PDE7B: variants seen among roughly 807,000 people sequenced by gnomAD.
PDE7B encodes the protein phosphodiesterase 7B, also known as 3',5'-cyclic-AMP phosphodiesterase 7B.
Under a neutral mutation model 56.2 loss-of-function variants are expected in PDE7B, and 29 were observed. The ratio of observed to expected loss-of-function variants is 0.52; its 90% CI spans 0.38 to 0.70. PDE7B has a LOEUF of 0.70. Among genes scored for constraint, PDE7B ranks in the 30% least tolerant of loss-of-function variants. The probability of loss-of-function intolerance (pLI) is 0.00; values close to 1 mark genes in which losing one functional copy is unlikely to be tolerated. For missense variants in PDE7B, 490 were observed against 565.0 expected (o/e 0.87, Z 1.35); for synonymous variants, 197 against 196.9 (o/e 1.00, Z 0.00).
At chr6:135,992,652 G>A (rs1378068634) in intron 2 of PDE7B, among the ~76,000 whole-genome samples, 1 of 152,106 alleles carries the variant, frequency 6.6e-6, no homozygotes, top group African/African-American at 2.4e-5. Flanking sequence ...AGAGTTTGTG[G>A]ATGGTTTATA....
intron 2 of PDE7B, among the ~76,000 whole-genome samples, chr6:136,002,461 A>C (rs1775688862): frequency 1.3e-5 from 2 of 152,316 alleles, no homozygotes; most frequent in Middle Eastern, 3.4e-3. Context: ...AACCCATCTC[A>C]CGTGCAGAGA....
intron 1 of PDE7B, among the ~76,000 whole-genome samples, chr6:135,853,051 T>G (rs1774966211): frequency 6.6e-6 from 1 of 152,226 alleles, no homozygotes; most frequent in South Asian, 2.1e-4. Flanking sequence ...AGAGTCGGTT[T>G]TTGTAACAGC....
intron 1 of PDE7B, among the ~76,000 whole-genome samples, chr6:135,870,528 C>G (rs112534334): frequency 6.7e-6 from 1 of 150,228 alleles, no homozygotes; most frequent in Non-Finnish European, 1.5e-5. Context: ...GTGAAATGTA[C>G]ATTTCACAAG....
At chr6:135,898,878 G>C (rs937663958) in intron 1 of PDE7B, among the ~76,000 whole-genome samples, 5 of 152,098 alleles carry the variant, frequency 3.3e-5, no homozygotes, top group Admixed American at 1.3e-4. Flanking sequence ...CAAGATTTTT[G>C]ATACATGTTA....
At chr6:136,151,372 C>A in intron 6 of PDE7B, 117 bp downstream of exon 6, 1 of 579,724 alleles carries the variant, frequency 1.7e-6, no homozygotes, top group Non-Finnish European at 3.1e-6. Context: ...TCCAATTAAT[C>A]TTAAATGGTC....
intron 1 of PDE7B, among the ~76,000 whole-genome samples, chr6:135,882,209 C>T (rs866547395): frequency 6.6e-6 from 1 of 152,178 alleles, no homozygotes; most frequent in African/African-American, 2.4e-5. Flanking sequence ...CCACAGCCCA[C>T]CAAATTCTCA....
chr6:136,037,453 A>G, intron 2 of PDE7B: 2 of 985,340 alleles, frequency 2.0e-6, no homozygotes, highest in Non-Finnish European at 2.4e-6. Context: ...AGGGGGAGGG[A>G]TGTGGAGAAG....
At chr6:135,877,358 C>CTTT (rs11302793) in intron 1 of PDE7B, among the ~76,000 whole-genome samples, 1 of 126,946 alleles carries the variant, frequency 7.9e-6, no homozygotes, top group African/African-American at 2.9e-5. Flanking sequence ...TTACACATTC[C>CTTT]TTTTTTTTTT....
intron 1 of PDE7B, among the ~76,000 whole-genome samples, chr6:135,919,315 G>A (rs1463464890): frequency 6.6e-6 from 1 of 152,158 alleles, no homozygotes; most frequent in Non-Finnish European, 1.5e-5. Flanking sequence ...CTTTTAGGAG[G>A]CTTACCTAGG....
intron 2 of PDE7B, among the ~76,000 whole-genome samples, chr6:136,092,653 C>T (rs915609047): frequency 9.2e-5 from 14 of 152,032 alleles, no homozygotes; most frequent in Admixed American, 6.5e-4. Context: ...CCCAGCTACT[C>T]GGGAGGCTGA....
chr6:136,165,036 G>C (rs1019131086), intron 8 of PDE7B, among the ~76,000 whole-genome samples: 1 of 152,140 alleles, frequency 6.6e-6, no homozygotes, highest in Non-Finnish European at 1.5e-5. Flanking sequence ...TGAAAGTTTA[G>C]ATATCAACTC....
intron 1 of PDE7B, among the ~76,000 whole-genome samples, chr6:135,935,190 T>TTACATATA (rs1554268031): frequency 2.8e-5 from 1 of 36,192 alleles, no homozygotes; most frequent in Non-Finnish European, 4.6e-5. Context: ...ATATATTTAT[T>TTACATATA]TATATATATA....
At chr6:135,940,392 C>G (rs1175753700) in intron 1 of PDE7B, among the ~76,000 whole-genome samples, 1 of 152,182 alleles carries the variant, frequency 6.6e-6, no homozygotes, top group African/African-American at 2.4e-5. Context: ...AGGAAAAGAC[C>G]TGGCCTGAAT....
intron 2 of PDE7B, among the ~76,000 whole-genome samples, chr6:136,014,479 A>G (rs1268600858): frequency 2.6e-5 from 4 of 152,240 alleles, no homozygotes; most frequent in African/African-American, 9.6e-5. Context: ...TTGTAGAACT[A>G]TTAACATATC....
intron 1 of PDE7B, among the ~76,000 whole-genome samples, chr6:135,894,717 C>G (rs17065077): frequency 6.6e-6 from 1 of 152,040 alleles, no homozygotes; most frequent in Non-Finnish European, 1.5e-5. Context: ...CACCCAGCTA[C>G]GTTGAAATGT....
chr6:136,108,558 A>G (rs1029741874), intron 2 of PDE7B, among the ~76,000 whole-genome samples, 173 bp from the exon 3 acceptor site: 2 of 152,110 alleles, frequency 1.3e-5, no homozygotes, highest in African/African-American at 2.4e-5. Flanking sequence ...TGTATTGCCA[A>G]CCTCATTACA....
At chr6:135,926,155 C>A (rs982647370) in intron 1 of PDE7B, among the ~76,000 whole-genome samples, 1 of 143,308 alleles carries the variant, frequency 7.0e-6, no homozygotes, top group Non-Finnish European at 1.5e-5. Flanking sequence ...GGCGCAATCT[C>A]GGCTCACTGC....
chr6:136,001,300 C>T (rs996649779), intron 2 of PDE7B, among the ~76,000 whole-genome samples: 34 of 152,220 alleles, frequency 2.2e-4, no homozygotes, highest in Admixed American at 2.2e-3. Flanking sequence ...CACCTCTCCT[C>T]CTCCAAAGGA....
intron 1 of PDE7B, among the ~76,000 whole-genome samples, chr6:135,880,447 G>T (rs1775587177): frequency 6.6e-6 from 1 of 152,124 alleles, no homozygotes; most frequent in Non-Finnish European, 1.5e-5. Context: ...GTTAGGGAAG[G>T]AAAATCTCAG....
Sources: gnomAD v4.1 joint callset for allele counts (sites outside exome capture counted in the v4.1 genomes callset) on GRCh38, gnomAD v4.1.1 for gene constraint, MANE v1.5 for transcripts, NCBI Gene and HGNC (gene_info 2026-07-23, HGNC 2026-07-21) for gene names.